ZNF521: variants seen among roughly 807,000 people sequenced by gnomAD.
The protein encoded by ZNF521 is zinc finger protein 521.
A neutral mutation model predicts 105.5 loss-of-function variants in ZNF521; 14 were observed. The observed-to-expected ratio is 0.13, with a 90% CI of 0.09 to 0.21. The LOEUF is 0.21. ZNF521 is among the 10% of genes least tolerant of loss of function. ZNF521 has a pLI of 1.00. For synonymous variants in ZNF521, 635 were observed against 606.0 expected (o/e 1.05, Z -0.70); for missense variants, 1,233 against 1,629.7 (o/e 0.76, Z 4.19).
intron 5 of ZNF521, among the ~76,000 whole-genome samples, chr18:25,165,354 CA>C (rs1249388830): frequency 1.3e-5 from 2 of 152,088 alleles, no homozygotes; most frequent in Non-Finnish European, 2.9e-5. Flanking sequence ...TCAATTATAC[CA>C]AAAAACACGG....
intron 5 of ZNF521, among the ~76,000 whole-genome samples, chr18:25,173,032 C>T (rs906289257): frequency 2.0e-5 from 3 of 152,156 alleles, no homozygotes; most frequent in Non-Finnish European, 2.9e-5. Context: ...AAACTCTTGT[C>T]GCAAAGTATT....
intron 5 of ZNF521, among the ~76,000 whole-genome samples, chr18:25,143,006 T>C (rs2034878120): frequency 6.6e-6 from 1 of 152,178 alleles, no homozygotes. Flanking sequence ...TTCATGTTGT[T>C]ATCAACAGAT....
At chr18:25,328,638 C>T (rs561417388) in intron 2 of ZNF521, among the ~76,000 whole-genome samples, 3 of 151,828 alleles carry the variant, frequency 2.0e-5, no homozygotes, top group South Asian at 2.1e-4. Context: ...CTGCAACCTC[C>T]GCCTCCCGGG....
At chr18:25,266,205 G>A (rs1350571551) in intron 3 of ZNF521, among the ~76,000 whole-genome samples, 2 of 152,158 alleles carry the variant, frequency 1.3e-5, no homozygotes, top group African/African-American at 4.8e-5. Flanking sequence ...TGGATTGTTT[G>A]CAACTCAATG....
chr18:25,350,725 C>T (rs117132967), intron 2 of ZNF521, among the ~76,000 whole-genome samples, 182 bp downstream of exon 2: 1,995 of 151,736 alleles, frequency 0.013, 24 homozygotes, highest in Middle Eastern at 0.024. Context: ...TTCGTCTCCC[C>T]CCACCCCGAC....
At chr18:25,204,991 T>C (rs2036053465) in intron 4 of ZNF521, among the ~76,000 whole-genome samples, 1 of 151,942 alleles carries the variant, frequency 6.6e-6, no homozygotes, top group South Asian at 2.1e-4. Context: ...ATCTAATGAG[T>C]CATTCTAAAT....
chr18:25,116,312 G>A (rs1166579941), intron 5 of ZNF521, among the ~76,000 whole-genome samples: 1 of 152,120 alleles, frequency 6.6e-6, no homozygotes, highest in Non-Finnish European at 1.5e-5. Context: ...TGAGAAAGTG[G>A]GTTCTTTGGA....
intron 5 of ZNF521, among the ~76,000 whole-genome samples, chr18:25,158,045 C>T (rs890943048): frequency 1.8e-4 from 27 of 152,090 alleles, no homozygotes; most frequent in African/African-American, 4.1e-4. Context: ...TCAGCCACTG[C>T]GCCTGGCCTA....
intron 3 of ZNF521, among the ~76,000 whole-genome samples, chr18:25,305,117 A>G (rs565274917): frequency 6.6e-6 from 1 of 152,294 alleles, no homozygotes; most frequent in South Asian, 2.1e-4. Flanking sequence ...AGAAAGCAAA[A>G]GTACAAATCT....
At chr18:25,291,254 A>G (rs1467563810) in intron 3 of ZNF521, among the ~76,000 whole-genome samples, 1 of 152,204 alleles carries the variant, frequency 6.6e-6, no homozygotes, top group Non-Finnish European at 1.5e-5. Context: ...TCTAAAGTAA[A>G]AACATACAAA....
chr18:25,093,848 T>A (rs539622268), intron 5 of ZNF521, among the ~76,000 whole-genome samples: 1 of 152,320 alleles, frequency 6.6e-6, no homozygotes, highest in African/African-American at 2.4e-5. Flanking sequence ...TTCCTTTTTT[T>A]AAAATCCTGA....
At chr18:25,123,311 A>G (rs2034480479) in intron 5 of ZNF521, among the ~76,000 whole-genome samples, 1 of 152,064 alleles carries the variant, frequency 6.6e-6, no homozygotes, top group Non-Finnish European at 1.5e-5. Flanking sequence ...ATTACTGGGG[A>G]CTAAATTATT....
At chr18:25,315,020 G>A (rs1912522634) in intron 3 of ZNF521, among the ~76,000 whole-genome samples, 1 of 152,174 alleles carries the variant, frequency 6.6e-6, no homozygotes. Context: ...GCAGTGTGAT[G>A]AGACCCCTCT....
intron 7 of ZNF521, among the ~76,000 whole-genome samples, chr18:25,064,837 C>T (rs2033011347): frequency 1.3e-5 from 2 of 152,160 alleles, no homozygotes; most frequent in Non-Finnish European, 2.9e-5. Context: ...GATGACAAAT[C>T]ATGATGCAGA....
At chr18:25,126,932 T>C (rs1340288536) in intron 5 of ZNF521, among the ~76,000 whole-genome samples, 2 of 152,116 alleles carry the variant, frequency 1.3e-5, no homozygotes, top group East Asian at 3.8e-4. Flanking sequence ...CAGGACTTGG[T>C]TTATTCATTT....
chr18:25,284,001 C>T (rs1402386711), intron 3 of ZNF521, among the ~76,000 whole-genome samples: 1 of 149,322 alleles, frequency 6.7e-6, no homozygotes, highest in Non-Finnish European at 1.5e-5. Context: ...GTGAGAATGT[C>T]CTCCTTGTCT....
intron 3 of ZNF521, among the ~76,000 whole-genome samples, chr18:25,282,818 A>T (rs1413641957): frequency 6.6e-6 from 1 of 152,198 alleles, no homozygotes; most frequent in Non-Finnish European, 1.5e-5. Flanking sequence ...AAACAAAAAA[A>T]TCCAGCAAGA....
At chr18:25,124,549 C>T (rs9959293) in intron 5 of ZNF521, among the ~76,000 whole-genome samples, 144,609 of 152,266 alleles carry the variant, frequency 0.95, 68,826 homozygotes, top group Middle Eastern at 0.99. Flanking sequence ...TTTGCTTCTT[C>T]TATTTGTACT....
chr18:25,310,876 A>G (rs950802189), intron 3 of ZNF521, among the ~76,000 whole-genome samples: 1 of 152,204 alleles, frequency 6.6e-6, no homozygotes, highest in Non-Finnish European at 1.5e-5. Flanking sequence ...TGTTCCAAAT[A>G]TATTTTTTAG....
Sources: gnomAD v4.1 joint callset for allele counts (sites outside exome capture counted in the v4.1 genomes callset) on GRCh38, gnomAD v4.1.1 for gene constraint, MANE v1.5 for transcripts, NCBI Gene and HGNC (gene_info 2026-07-23, HGNC 2026-07-21) for gene names.